The following DEPDC1B variants were observed in gnomAD, a reference collection of about 807,000 sequenced individuals.
The protein encoded by DEPDC1B is DEP domain-containing protein 1B.
Under a neutral mutation model 66.5 loss-of-function variants are expected in DEPDC1B, and 51 were observed. That is an observed-to-expected ratio of 0.77 (90% confidence interval 0.61 to 0.97). The LOEUF (loss-of-function observed/expected upper bound fraction) is 0.97, where lower values mean the gene tolerates loss of function less well. DEPDC1B is among the 50% of genes least tolerant of loss of function. The pLI, the probability that DEPDC1B is intolerant of heterozygous loss-of-function variation, is 0.00. For missense variants in DEPDC1B, 552 were observed against 637.1 expected, an observed-to-expected ratio of 0.87 and a Z score of 1.44; for synonymous variants, 226 against 223.6, an observed-to-expected ratio of 1.01 and a Z score of -0.10.
At chr5:60,671,177 G>A (rs377169007) in intron 2 of DEPDC1B, among the ~76,000 whole-genome samples, 56 of 152,292 alleles carry the variant, frequency 3.7e-4, no homozygotes, top group African/African-American at 1.3e-3. Context: ...GGGGATTGAG[G>A]ATGAAGAGTC....
chr5:60,695,461 G>A (rs1174482782), intron 1 of DEPDC1B, among the ~76,000 whole-genome samples: 1 of 152,138 alleles, frequency 6.6e-6, no homozygotes, highest in Non-Finnish European at 1.5e-5. Context: ...TTGTCATGAG[G>A]ACAGCAACAG....
chr5:60,672,204 T>C (rs1249877577), intron 2 of DEPDC1B, among the ~76,000 whole-genome samples: 2 of 152,266 alleles, frequency 1.3e-5, no homozygotes, highest in East Asian at 1.9e-4. Flanking sequence ...CTGTCTGTCA[T>C]GTTCCCACTG....
At chr5:60,635,809 G>C (rs568042415) in intron 7 of DEPDC1B, among the ~76,000 whole-genome samples, 1 of 152,294 alleles carries the variant, frequency 6.6e-6, no homozygotes, top group African/African-American at 2.4e-5. Context: ...GAATTCTGAT[G>C]TGAATCTCCC....
chr5:60,637,761 C>T (rs1304087745), intron 7 of DEPDC1B, among the ~76,000 whole-genome samples: 1 of 152,190 alleles, frequency 6.6e-6, no homozygotes, highest in Non-Finnish European at 1.5e-5. Flanking sequence ...TGTGGGAAAA[C>T]ACTGACTCTT....
At chr5:60,625,766 G>C (rs1379956385) in intron 7 of DEPDC1B, among the ~76,000 whole-genome samples, 6 of 152,094 alleles carry the variant, frequency 3.9e-5, no homozygotes, top group Non-Finnish European at 8.8e-5. Flanking sequence ...AGGTCATTGA[G>C]GCTGTATTTT....
chr5:60,677,326 A>ACTCTCTCTCTCT lies in DEPDC1B; in HGVS notation c.314+9624_314+9635dup, dbSNP rs70975391. 4.9e-3 allele frequency among the ~76,000 whole-genome samples: 533 copies of ACTCTCTCTCTCT among 108,542 alleles called. 4 individuals carry two copies. The highest frequency in any genetic ancestry group is 0.017 in the African/African-American group (431 of 25,286). 71.2% of individuals were successfully genotyped at this position (108,542 alleles called of 152,430 possible). A position where few individuals can be genotyped will look rare whatever the true frequency, so the allele number is the denominator to read the frequency against. The stretch of plus-strand genomic sequence containing the variant: ...CACACACACACACACACACACACAC[A>ACTCTCTCTCTCT]CTCTCTCTCTCTCTCTCTCTCTCTC... On this transcript the variant is annotated intron_variant, in intron 2 of 10. Coordinates refer to ENST00000265036, the MANE Select transcript of DEPDC1B (RefSeq NM_018369.3).
chr5:60,679,570 A>C (rs1316019764), intron 2 of DEPDC1B, among the ~76,000 whole-genome samples: 23 of 152,210 alleles, frequency 1.5e-4, no homozygotes, highest in Admixed American at 1.5e-3. Context: ...GAAAGAAAAA[A>C]AGGAATGAGA....
intron 7 of DEPDC1B, among the ~76,000 whole-genome samples, chr5:60,621,078 G>A (rs1259226434): frequency 6.7e-6 from 1 of 149,752 alleles, no homozygotes; most frequent in Non-Finnish European, 1.5e-5. Context: ...TCATAGGTGG[G>A]AATTGAACAA....
At position 60,649,419 on chromosome 5, in the gene DEPDC1B, C is replaced by T. The variant is rs926553465; in HGVS notation, c.315-1886G>A. ...ATGAGATCTTTGCTGTCAGTAATAT[C>T]TGCAGTTACCAATAGAAGGTGTGCT... On this transcript the variant is annotated intron_variant, in intron 2 of 10. Coordinates refer to ENST00000265036, the MANE Select transcript of DEPDC1B (RefSeq NM_018369.3). Among the ~76,000 whole-genome samples the T allele has an allele frequency of 5.3e-5, 8 of 152,198 alleles. No homozygotes were observed. In the East Asian group the frequency reaches 1.5e-3, roughly 29 times the overall value.
At chr5:60,600,564 A>G (rs1431685957) in intron 9 of DEPDC1B, among the ~76,000 whole-genome samples, 7 of 152,226 alleles carry the variant, frequency 4.6e-5, no homozygotes, top group Non-Finnish European at 8.8e-5. Context: ...ACAAAGATCT[A>G]TAGGTTCTGA....
At chr5:60,616,116 G>A (rs577852966) in intron 7 of DEPDC1B, among the ~76,000 whole-genome samples, 3 of 152,232 alleles carry the variant, frequency 2.0e-5, no homozygotes, top group African/African-American at 7.2e-5. Context: ...AAACAGAAAG[G>A]ACATCCACAC....
intron 7 of DEPDC1B, among the ~76,000 whole-genome samples, chr5:60,610,929 C>G (rs1752403138): frequency 6.6e-6 from 1 of 152,146 alleles, no homozygotes; most frequent in Non-Finnish European, 1.5e-5. Flanking sequence ...TAGTTGGCTC[C>G]TTGTTATAGA....
At position 60,667,960 on chromosome 5, in the gene DEPDC1B, T is replaced by TATAA. The variant is rs1270586774; in HGVS notation, c.314+19001_314+19002insTTAT. Among the ~76,000 whole-genome samples, 14 of 114,670 alleles carry TATAA rather than the reference T, an allele frequency of 1.2e-4. 6 individuals are homozygous for TATAA. The highest frequency in any genetic ancestry group is 3.7e-4 in the African/African-American group (11 of 29,348). 75.2% of individuals were successfully genotyped at this position (114,670 alleles called of 152,430 possible). The stretch of plus-strand genomic sequence containing the variant: ...ATATAAAATGGATATTTTATATATA[T>TATAA]AATGGATATTTTATATATATAAAAT... On this transcript the variant is annotated intron_variant, in intron 2 of 10. Coordinates refer to ENST00000265036, the MANE Select transcript of DEPDC1B (RefSeq NM_018369.3).
chr5:60,689,131 C>T (rs1247483530), intron 1 of DEPDC1B: 1 of 448,358 alleles, frequency 2.2e-6, no homozygotes, highest in East Asian at 7.1e-5. Flanking sequence ...TTGCACAGGC[C>T]CTGGCACATG....
chr5:60,603,826 C>CATATATATATATATATATATATATAT (rs34747463), intron 8 of DEPDC1B, among the ~76,000 whole-genome samples: 51 of 146,098 alleles, frequency 3.5e-4, no homozygotes, highest in African/African-American at 1.0e-3. Flanking sequence ...TTTAAATATA[C>CATATATATATATATATATATATATAT]ATATATATAT....
At chr5:60,666,250 C>T (rs913213381) in intron 2 of DEPDC1B, among the ~76,000 whole-genome samples, 4 of 152,162 alleles carry the variant, frequency 2.6e-5, no homozygotes, top group African/African-American at 4.8e-5. Context: ...TTCGTCTAAT[C>T]GAGCTGAACA....
At chr5:60,643,357 T>C (rs943298977) in intron 5 of DEPDC1B, among the ~76,000 whole-genome samples, 3 of 152,238 alleles carry the variant, frequency 2.0e-5, no homozygotes, top group Non-Finnish European at 4.4e-5. Flanking sequence ...ACTGACATAT[T>C]AATGTTAGGC....
At chr5:60,652,909 C>T (rs191060179) in intron 2 of DEPDC1B, among the ~76,000 whole-genome samples, 1 of 149,458 alleles carries the variant, frequency 6.7e-6, no homozygotes, top group Admixed American at 6.6e-5. Flanking sequence ...CCAATTTCAT[C>T]CAGATTGCTG....
chr5:60,677,326 A>ACTCTCTCTCTCTCT (rs70975391), intron 2 of DEPDC1B, among the ~76,000 whole-genome samples: 156 of 108,552 alleles, frequency 1.4e-3, no homozygotes, highest in Middle Eastern at 5.1e-3. Context: ...ACACACACAC[A>ACTCTCTCTCTCTCT]CTCTCTCTCT....
Sources: allele counts gnomAD v4.1 joint callset (sites outside exome capture counted in the v4.1 genomes callset), GRCh38; gene constraint gnomAD v4.1.1; transcripts MANE v1.5; gene names NCBI Gene and HGNC (gene_info 2026-07-23, HGNC 2026-07-21).